Variants in ATE1 observed in about 807,000 individuals in gnomAD.
ATE1 encodes arginyl-tRNA--protein transferase 1.
Under a neutral mutation model 70.5 loss-of-function variants are expected in ATE1, and 36 were observed. That is an observed-to-expected ratio of 0.51 (90% CI 0.39 to 0.67). The LOEUF is 0.67. ATE1 is among the 30% of genes least tolerant of loss of function. The pLI, the probability that ATE1 is intolerant of heterozygous loss-of-function variation, is 0.00. For synonymous variants in ATE1, 232 were observed against 219.3 expected, an observed-to-expected ratio of 1.06 and a Z score of -0.51; for missense variants, 593 against 629.5, an observed-to-expected ratio of 0.94 and a Z score of 0.62.
At chr10:121,886,924 T>C (rs1456446660) in intron 7 of ATE1, among the ~76,000 whole-genome samples, 1 of 152,156 alleles carries the variant, frequency 6.6e-6, no homozygotes, top group Non-Finnish European at 1.5e-5. Context: ...TAAATATAAG[T>C]TACTACTTTC....
At chr10:121,903,287 G>T (rs1327960942) in intron 5 of ATE1, among the ~76,000 whole-genome samples, 1 of 152,226 alleles carries the variant, frequency 6.6e-6, no homozygotes, top group African/African-American at 2.4e-5. Flanking sequence ...AAAGGACACT[G>T]CTATCTCTGC....
At chr10:121,897,734 G>A (rs1950831822) in intron 7 of ATE1, among the ~76,000 whole-genome samples, 1 of 151,462 alleles carries the variant, frequency 6.6e-6, no homozygotes, top group Non-Finnish European at 1.5e-5. Flanking sequence ...GCTGAGGCAG[G>A]AGAATCGCTT....
intron 10 of ATE1, among the ~76,000 whole-genome samples, chr10:121,802,826 C>T (rs1480882644): frequency 6.6e-6 from 1 of 152,182 alleles, no homozygotes; most frequent in Non-Finnish European, 1.5e-5. Flanking sequence ...AGGTCCTGGG[C>T]ATGCCATGGT....
chr10:121,767,175 T>C (rs1467132381), intron 11 of ATE1, among the ~76,000 whole-genome samples: 1 of 151,816 alleles, frequency 6.6e-6, no homozygotes, highest in Non-Finnish European at 1.5e-5. Context: ...AGAAGAAAAA[T>C]CACCTGACAC....
At chr10:121,916,079 T>C (rs1044712245) in intron 3 of ATE1, among the ~76,000 whole-genome samples, 4 of 149,928 alleles carry the variant, frequency 2.7e-5, no homozygotes, top group African/African-American at 9.9e-5. Flanking sequence ...TACAAAAAAT[T>C]AGCCGGGCGT....
Position 121,925,017 on chromosome 10 carries a change from TG to T in ATE1, c.107-689del, listed in dbSNP as rs1952031309. On this transcript the variant is annotated intron_variant, in intron 1 of 11. Transcript: ENST00000224652. ...CTTCAGAAAACTTAGCAAAATGTTT[TG>T]TGCTTATTAGTTCTCCTGATTTATA... 2.0e-5 allele frequency among the ~76,000 whole-genome samples: 3 copies of T among 152,360 alleles called. No individual in the cohort carries two copies. In the South Asian group the frequency reaches 6.2e-4, roughly 32 times the overall value.
At chr10:121,815,823 T>C (rs1486257860) in intron 10 of ATE1, among the ~76,000 whole-genome samples, 1 of 152,196 alleles carries the variant, frequency 6.6e-6, no homozygotes, top group Non-Finnish European at 1.5e-5. Context: ...AACCTCAGCA[T>C]TAGTGACATT....
At chr10:121,774,863 A>G (rs1945669731) in intron 11 of ATE1, among the ~76,000 whole-genome samples, 1 of 152,200 alleles carries the variant, frequency 6.6e-6, no homozygotes, top group Admixed American at 6.5e-5. Context: ...GATTAAAAAA[A>G]GAAATGAATT....
At chr10:121,925,375 G>C (rs1212911362) in intron 1 of ATE1, among the ~76,000 whole-genome samples, 2 of 149,976 alleles carry the variant, frequency 1.3e-5, no homozygotes, top group African/African-American at 4.9e-5. Context: ...ACTCGAGATC[G>C]AGCCATTGCA....
At chr10:121,844,026 A>G (rs1225744306) in intron 8 of ATE1, among the ~76,000 whole-genome samples, 1 of 152,242 alleles carries the variant, frequency 6.6e-6, no homozygotes, top group Admixed American at 6.5e-5. Flanking sequence ...TGTAAAAGAC[A>G]TATCTGATAA....
At chr10:121,792,795 G>GA (rs35164213) in intron 10 of ATE1, among the ~76,000 whole-genome samples, 11 of 151,940 alleles carry the variant, frequency 7.2e-5, no homozygotes, top group African/African-American at 2.2e-4. Context: ...AAATCTGACG[G>GA]AAAAAAGGCT....
rs1944118094 is a variant in ATE1 at position 121,740,497 on chromosome 10, C to G, written c.*3183G>C. On this transcript the variant is annotated 3_prime_UTR_variant, in exon 12 of 12. Transcript: ENST00000224652. ...CTTGTTCAAAAAGCATATACAAGAG[C>G]AAAAAATACCACATGCAGTCAAACT... The G allele has an allele frequency of 6.6e-6, 1 of 151,718 alleles. No individual in the cohort carries two copies. The highest frequency in any genetic ancestry group is 2.4e-5 in the African/African-American group (1 of 41,156). 9.4% of individuals were successfully genotyped at this position (151,718 alleles called of 1,614,324 possible).
intron 5 of ATE1, among the ~76,000 whole-genome samples, chr10:121,908,445 A>T (rs1951288680): frequency 6.6e-6 from 1 of 152,178 alleles, no homozygotes; most frequent in East Asian, 1.9e-4. Flanking sequence ...TGGAGTCTGC[A>T]GTGAGCCCAG....
intron 8 of ATE1, among the ~76,000 whole-genome samples, chr10:121,856,459 G>C (rs909781788): frequency 2.6e-5 from 4 of 152,184 alleles, no homozygotes; most frequent in African/African-American, 7.2e-5. Flanking sequence ...GAACCCAGGA[G>C]GAGGAGGCTG....
intron 10 of ATE1, among the ~76,000 whole-genome samples, chr10:121,809,084 C>CTT (rs1239742586): frequency 6.6e-6 from 1 of 152,198 alleles, no homozygotes; most frequent in Non-Finnish European, 1.5e-5. Flanking sequence ...AGCATCACCA[C>CTT]TGATCTCATC....
chr10:121,748,522 A>C (rs1425593910), intron 11 of ATE1, among the ~76,000 whole-genome samples: 2 of 152,200 alleles, frequency 1.3e-5, no homozygotes, highest in African/African-American at 4.8e-5. Flanking sequence ...ACTGAATTCC[A>C]AATTGGCTTA....
At chr10:121,907,557 G>C (rs1032672254) in intron 5 of ATE1, among the ~76,000 whole-genome samples, 1 of 151,976 alleles carries the variant, frequency 6.6e-6, no homozygotes, top group Non-Finnish European at 1.5e-5. Context: ...GATGGATCAC[G>C]AGATCAGGAG....
At chr10:121,824,898 C>A (rs1947945041) in intron 10 of ATE1, among the ~76,000 whole-genome samples, 1 of 151,454 alleles carries the variant, frequency 6.6e-6, no homozygotes, top group South Asian at 2.1e-4. Context: ...GAGAACTAAG[C>A]TTTGCATGCA....
At chr10:121,779,085 A>ACATACCCCACTACTCTAGTTCT (rs1437188245) in intron 11 of ATE1, among the ~76,000 whole-genome samples, 2 of 152,276 alleles carry the variant, frequency 1.3e-5, no homozygotes, top group East Asian at 3.9e-4. Flanking sequence ...CAGCTTGTTC[A>ACATACCCCACTACTCTAGTTCT]CATACCCCAC....
Sources: gnomAD v4.1 joint callset for allele counts (sites outside exome capture counted in the v4.1 genomes callset) on GRCh38, gnomAD v4.1.1 for gene constraint, MANE v1.5 for transcripts, NCBI Gene and HGNC (gene_info 2026-07-23, HGNC 2026-07-21) for gene names.